The following GRID2 variants were observed in gnomAD, a reference collection of about 807,000 sequenced individuals.
GRID2 encodes the protein glutamate ionotropic receptor delta type subunit 2, also known as glutamate receptor ionotropic, delta-2.
Under a neutral mutation model 114.8 loss-of-function variants are expected in GRID2, and 33 were observed. The ratio of observed to expected loss-of-function variants is 0.29; its 90% CI spans 0.22 to 0.38. The LOEUF is 0.38. Among genes scored for constraint, GRID2 ranks in the 10% least tolerant of loss-of-function variants. The probability of loss-of-function intolerance (pLI) is 1.00; values close to 1 mark genes in which losing one functional copy is unlikely to be tolerated. For missense variants in GRID2, 1,184 were observed against 1,257.7 expected (o/e 0.94, Z 0.89); for synonymous variants, 505 against 449.9 (o/e 1.12, Z -1.55).
At chr4:93,705,496 T>C (rs980038142) in intron 14 of GRID2, among the ~76,000 whole-genome samples, 3 of 152,058 alleles carry the variant, frequency 2.0e-5, no homozygotes, top group Admixed American at 2.0e-4. Flanking sequence ...CATGCCCAGC[T>C]AATTTTTGTA....
chr4:93,518,020 CATGTACATGT>C (rs1729961741), intron 13 of GRID2, among the ~76,000 whole-genome samples: 1 of 44,224 alleles, frequency 2.3e-5, no homozygotes, highest in East Asian at 4.3e-4. Context: ...TATATACATA[CATGTACATGT>C]ATGTATATAT....
intron 2 of GRID2, among the ~76,000 whole-genome samples, chr4:92,892,425 A>G (rs1348260886): frequency 1.3e-5 from 2 of 152,128 alleles, no homozygotes; most frequent in African/African-American, 4.8e-5. Context: ...AACTTTTTCT[A>G]GGGTAAATGA....
At chr4:92,797,952 T>G (rs1321099494) in intron 2 of GRID2, among the ~76,000 whole-genome samples, 1 of 151,942 alleles carries the variant, frequency 6.6e-6, no homozygotes, top group Non-Finnish European at 1.5e-5. Context: ...CTTGATAAAG[T>G]TTTTACTGCC....
chr4:93,242,552 T>A (rs1034230535), intron 8 of GRID2, among the ~76,000 whole-genome samples: 1 of 152,038 alleles, frequency 6.6e-6, no homozygotes, highest in African/African-American at 2.4e-5. Context: ...TGACAAAGCA[T>A]AAAATCTAAA....
chr4:92,628,558 G>A (rs537740172), intron 2 of GRID2, among the ~76,000 whole-genome samples: 6 of 152,066 alleles, frequency 3.9e-5, no homozygotes, highest in East Asian at 3.9e-4. Flanking sequence ...GGGTTTCACC[G>A]TGTTGCCCAG....
At chr4:93,025,653 C>T (rs772291160) in intron 2 of GRID2, among the ~76,000 whole-genome samples, 3 of 151,550 alleles carry the variant, frequency 2.0e-5, no homozygotes, top group East Asian at 1.9e-4. Context: ...TTCCTACCAC[C>T]GGGGCAAACT....
chr4:92,408,431 CTTTTTTTTTTTTTTTTTTTTT>C (rs35638036), intron 1 of GRID2, among the ~76,000 whole-genome samples: 1 of 19,394 alleles, frequency 5.2e-5, no homozygotes, highest in Non-Finnish European at 1.1e-4. Flanking sequence ...TATTCAAGCT[CTTTTTTTTTTTTTTTTTTTTT>C]TTTTTTTTTT....
At chr4:92,698,200 A>T (rs907320751) in intron 2 of GRID2, among the ~76,000 whole-genome samples, 1 of 152,180 alleles carries the variant, frequency 6.6e-6, no homozygotes, top group Non-Finnish European at 1.5e-5. Flanking sequence ...CAGAGTAACG[A>T]GTGCCATAAT....
At chr4:92,427,760 A>T (rs1579341020) in intron 1 of GRID2, among the ~76,000 whole-genome samples, 1 of 145,734 alleles carries the variant, frequency 6.9e-6, no homozygotes, top group South Asian at 2.2e-4. Context: ...AGCCCAACAC[A>T]GTACAAAGTT....
intron 2 of GRID2, among the ~76,000 whole-genome samples, chr4:92,865,926 T>G (rs1051349885): frequency 2.0e-5 from 3 of 152,252 alleles, no homozygotes; most frequent in African/African-American, 7.2e-5. Flanking sequence ...AGTGATGAAT[T>G]ATTTTTGTAA....
intron 1 of GRID2, among the ~76,000 whole-genome samples, chr4:92,487,777 A>G (rs7666793): frequency 6.3e-5 from 9 of 143,350 alleles, no homozygotes; most frequent in South Asian, 2.2e-4. Flanking sequence ...TTGTTTGTTT[A>G]TTTTTTCCTG....
chr4:93,368,301 G>A (rs553881192), intron 8 of GRID2, among the ~76,000 whole-genome samples: 2 of 152,122 alleles, frequency 1.3e-5, no homozygotes, highest in Admixed American at 6.5e-5. Flanking sequence ...GGGCACAGGA[G>A]AGGGAGAAAA....
chr4:93,238,213 T>C (rs1184879224), intron 7 of GRID2, among the ~76,000 whole-genome samples, 158 bp from the exon 8 acceptor site: 1 of 151,906 alleles, frequency 6.6e-6, no homozygotes, highest in East Asian at 1.9e-4. Context: ...TACTCCTGTT[T>C]ATGCTGTGTA....
chr4:93,521,798 A>C (rs1730364013), intron 13 of GRID2, among the ~76,000 whole-genome samples: 1 of 152,128 alleles, frequency 6.6e-6, no homozygotes, highest in Non-Finnish European at 1.5e-5. Flanking sequence ...CAAGTGATAA[A>C]ATCTTCAAGC....
intron 1 of GRID2, among the ~76,000 whole-genome samples, chr4:92,346,365 T>A (rs1165258483): frequency 2.0e-5 from 3 of 152,152 alleles, no homozygotes; most frequent in Non-Finnish European, 4.4e-5. Flanking sequence ...TCTGAACTTT[T>A]TTTGTTTTGT....
rs1446377362 is a variant in GRID2 at position 93,437,752 on chromosome 4, C to T, written c.1545+14784C>T. On this transcript the variant is annotated intron_variant, in intron 10 of 15. Coordinates refer to ENST00000282020, the MANE Select transcript of GRID2 (RefSeq NM_001510.4). ...CATTTAGATGACATTCAGCTTTAAT[C>T]TGCCTAGACTGCCTGTACTCACTTC... Among the ~76,000 whole-genome samples the T allele has an allele frequency of 2.0e-5, 3 of 152,210 alleles. No individual in the cohort carries two copies. The East Asian group carries it at 5.8e-4, about 30-fold the overall frequency.
intron 2 of GRID2, among the ~76,000 whole-genome samples, chr4:92,643,903 A>C (rs1731484672): frequency 6.6e-6 from 1 of 151,842 alleles, no homozygotes; most frequent in African/African-American, 2.4e-5. Flanking sequence ...TTCAATTGCA[A>C]AGTGTAATTT....
Position 92,470,383 on chromosome 4 carries a change from A to G in GRID2, c.89-119748A>G, listed in dbSNP as rs887177900. 7.2e-5 allele frequency among the ~76,000 whole-genome samples: 11 copies of G among 152,114 alleles called. No homozygotes were observed. In the East Asian group the frequency reaches 2.1e-3, roughly 29 times the overall value. Reference sequence around the variant, plus strand: ...TAATTTAATTTTAACCCCCTGTGAAAAAAGAATTCCTTGAGTTTGGCCAAA... The same window carrying G: ...TAATTTAATTTTAACCCCCTGTGAAGAAAGAATTCCTTGAGTTTGGCCAAA... On this transcript the variant is annotated intron_variant, in intron 1 of 15. Coordinates refer to ENST00000282020, the MANE Select transcript of GRID2 (RefSeq NM_001510.4).
chr4:93,229,084 A>G (rs188051141), intron 7 of GRID2, among the ~76,000 whole-genome samples: 1 of 152,264 alleles, frequency 6.6e-6, no homozygotes, highest in Non-Finnish European at 1.5e-5. Context: ...CTCAGTTTGA[A>G]TAATGTACAT....
Sources: allele counts gnomAD v4.1 joint callset (sites outside exome capture counted in the v4.1 genomes callset), GRCh38; gene constraint gnomAD v4.1.1; transcripts MANE v1.5; gene names NCBI Gene and HGNC (gene_info 2026-07-23, HGNC 2026-07-21).